DNAH10: variants seen among roughly 807,000 people sequenced by gnomAD.
DNAH10 encodes the protein dynein axonemal heavy chain 10, also known as axonemal beta dynein heavy chain 10.
DNAH10 carries 348 observed loss-of-function variants against 506.6 expected under a neutral mutation model. The observed-to-expected ratio is 0.69, with a 90% confidence interval of 0.63 to 0.75. The LOEUF (loss-of-function observed/expected upper bound fraction) is 0.75, where lower values mean the gene tolerates loss of function less well. DNAH10 is among the 30% of genes least tolerant of loss of function. The pLI, the probability that DNAH10 is intolerant of heterozygous loss-of-function variation, is 0.00. For missense variants in DNAH10, 5,179 were observed against 5,787.1 expected, an observed-to-expected ratio of 0.89 and a Z score of 3.41; for synonymous variants, 2,059 against 2,198.6, an observed-to-expected ratio of 0.94 and a Z score of 1.78.
chr12:123,915,543 G>A (rs773790900), intron 62 of DNAH10, among the ~76,000 whole-genome samples: 3 of 136,108 alleles, frequency 2.2e-5, no homozygotes, highest in South Asian at 2.4e-4. Flanking sequence ...CTCCCTCCCC[G>A]AGCCCCTGGC....
In DNAH10 at chr12:123,928,338, G is replaced by C; in HGVS notation, c.12106-49G>C. ...GGAGTGGGTCTCTGGAGAGCACGGG[G>C]TTGGGTTTGGATGCCAACCCCTCTC... On this transcript the variant is annotated intron_variant, in intron 69 of 78. Coordinates refer to ENST00000673944, the MANE Select transcript of DNAH10 (RefSeq NM_001372106.1). This position sits in a 1 kb window ranked among gnomAD's most constrained non-coding sequence, Gnocchi z 4.9. The C allele has an allele frequency of 6.5e-7, 1 of 1,544,576 alleles. No individual in the cohort carries two copies. Among genetic ancestry groups the C allele is most frequent in the Non-Finnish European group, 8.7e-7 (1 of 1,144,860 alleles).
At position 123,916,690 on chromosome 12, in the gene DNAH10, A is replaced by T. The variant is rs754646581; in HGVS notation, c.10956A>T (p.Arg3652Ser). Residue 3652 changes from arginine to serine, a missense_variant, in exon 63 of 79, where the codon AGA becomes AGT. This residue lies in a region of DNAH10 where 4,844 missense variants were observed against 5,430.5 expected (regional missense o/e 0.89). Transcript: ENST00000673944. The surrounding 1 kb of genome is among the most constrained non-coding windows in gnomAD (Gnocchi z 4.6). ...TGAACACCAAGCTGGCCAATCCCAGATATTCCCCATCCGTGTTTGGGAAAG... is the reference window on the plus strand; with the variant it reads ...TGAACACCAAGCTGGCCAATCCCAGTTATTCCCCATCCGTGTTTGGGAAAG... ...LYLNTKLANP[R>S]YSPSVFGKAM... The T allele has an allele frequency of 9.9e-6, 16 of 1,613,688 alleles. No individual in the cohort carries two copies. The East Asian group carries it at 3.6e-4, about 36-fold the overall frequency.
chr12:123,810,704 AT>A (rs1332727265), intron 19 of DNAH10, among the ~76,000 whole-genome samples: 2 of 152,164 alleles, frequency 1.3e-5, no homozygotes, highest in African/African-American at 4.8e-5. Flanking sequence ...AAAAAAAAAA[AT>A]GTTGAATAAA....
intron 3 of DNAH10, among the ~76,000 whole-genome samples, chr12:123,772,521 C>T (rs542805797): frequency 1.9e-4 from 29 of 152,320 alleles, no homozygotes; most frequent in African/African-American, 3.8e-4. Context: ...TTACCAAAAT[C>T]GTGCTTCATT....
At chr12:123,873,017 C>T (rs374525161) in intron 45 of DNAH10, among the ~76,000 whole-genome samples, 8 of 152,222 alleles carry the variant, frequency 5.3e-5, no homozygotes, top group African/African-American at 1.7e-4. Flanking sequence ...AGGGGGCTTC[C>T]CTCACCCTTC....
In DNAH10 at chr12:123,772,940, A is replaced by G; in HGVS notation, c.503A>G (p.Lys168Arg). The change falls in exon 4 of 79, where the codon AAA (lysine) becomes AGA (arginine). Residue 168 changes from lysine (K) to arginine (R), a missense_variant and splice_region_variant. Transcript: ENST00000673944. ...QNVVFFLRNT[K>R]EAISEATDMK... Reference sequence around the variant, plus strand: ...GTGGTGTTTTTCCTCAGAAATACCAAAGGTACATTTCTGGCACGTGTGTGT... The same window carrying G: ...GTGGTGTTTTTCCTCAGAAATACCAGAGGTACATTTCTGGCACGTGTGTGT... 6.2e-7 allele frequency: 1 copy of G among 1,606,590 alleles called. No individual in the cohort carries two copies. Among genetic ancestry groups the G allele is most frequent in the Non-Finnish European group, 8.5e-7 (1 of 1,173,772 alleles).
At chr12:123,896,970 C>A (rs993743123) in intron 54 of DNAH10, among the ~76,000 whole-genome samples, 28 of 152,210 alleles carry the variant, frequency 1.8e-4, no homozygotes, top group Non-Finnish European at 2.9e-5. Flanking sequence ...TCATCCCAAA[C>A]TGAAACTCCA....
intron 52 of DNAH10, among the ~76,000 whole-genome samples, chr12:123,890,457 C>CTT (rs201416327): frequency 1.4e-5 from 2 of 147,528 alleles, no homozygotes; most frequent in Non-Finnish European, 1.5e-5. Flanking sequence ...AAAAAACACA[C>CTT]TTTTTTTTTT....
intron 23 of DNAH10, among the ~76,000 whole-genome samples, chr12:123,819,700 GTTTTTTTTTTTTT>G (rs768231077): frequency 9.8e-6 from 1 of 101,840 alleles, no homozygotes; most frequent in East Asian, 2.6e-4. Context: ...CTAAAATTCT[GTTTTTTTTTTTTT>G]TTTTTTTTTG....
At chr12:123,934,907 T>C in intron 78 of DNAH10, 141 bp downstream of exon 78, 4 of 1,155,442 alleles carry the variant, frequency 3.5e-6, no homozygotes, top group Non-Finnish European at 4.8e-6. Context: ...CTTGGAGCCG[T>C]GATAAAAGCT....
chr12:123,854,109 T>C lies in DNAH10; in HGVS notation c.6438+757T>C, dbSNP rs181312016. Among the ~76,000 whole-genome samples the C allele has an allele frequency of 8.4e-4, 106 of 126,092 alleles. No homozygotes were observed. In the East Asian group the frequency reaches 0.017, roughly 20 times the overall value. The allele number at this position is 126,092 out of a possible 152,430, so 82.7% of individuals were successfully genotyped here. A position where few individuals can be genotyped will look rare whatever the true frequency, so the allele number is the denominator to read the frequency against. On this transcript the variant is annotated intron_variant, in intron 36 of 78. Coordinates refer to ENST00000673944, the MANE Select transcript of DNAH10 (RefSeq NM_001372106.1). ...TTTTTTGGAGGGGTCGAAGGAAGAG[T>C]TATTTATGCTCTTACAAAAAAGGAA...
chr12:123,819,107 A>T (rs1489697547), intron 22 of DNAH10, 41 bp downstream of exon 22: 1 of 1,603,982 alleles, frequency 6.2e-7, no homozygotes, highest in South Asian at 1.1e-5. Flanking sequence ...GACATTGAAA[A>T]ACGTATTTGG....
intron 35 of DNAH10, among the ~76,000 whole-genome samples, chr12:123,852,244 T>C (rs1435583551): frequency 6.6e-6 from 1 of 152,244 alleles, no homozygotes; most frequent in Non-Finnish European, 1.5e-5. Context: ...TTTGAGAATA[T>C]GTAGATTCAA....
At chr12:123,841,253 C>A in intron 29 of DNAH10, 69 bp from the exon 30 acceptor site, 1 of 1,521,328 alleles carries the variant, frequency 6.6e-7, no homozygotes, top group Non-Finnish European at 9.1e-7. Flanking sequence ...CTGGATGGAG[C>A]ACCGCTGGCT....
At position 123,875,597 on chromosome 12, in the gene DNAH10, ATAC is replaced by A; in HGVS notation, c.8199+108_8199+110del. ...AGGCACAGCAGGGTTAGGGCCCTCA[ATAC>A]TTTTAAGGGCCTATGAAAATGTTTT... On this transcript the variant is annotated intron_variant, in intron 47 of 78. Coordinates refer to ENST00000673944, the MANE Select transcript of DNAH10 (RefSeq NM_001372106.1). The A allele has an allele frequency of 2.9e-6, 4 of 1,378,260 alleles. No individual in the cohort carries two copies. In the Middle Eastern group the frequency reaches 5.7e-4, roughly 196 times the overall value. The allele number at this position is 1,378,260 out of a possible 1,614,324, so 85.4% of individuals were successfully genotyped here.
At chr12:123,891,769 G>C (rs1280828792) in intron 52 of DNAH10, among the ~76,000 whole-genome samples, 2 of 152,094 alleles carry the variant, frequency 1.3e-5, no homozygotes, top group African/African-American at 4.8e-5. Flanking sequence ...AGGAGGACTC[G>C]CAGGACTCAG....
chr12:123,793,630 G>A (rs532072936), intron 11 of DNAH10, among the ~76,000 whole-genome samples: 8 of 152,290 alleles, frequency 5.3e-5, no homozygotes, highest in Admixed American at 1.3e-4. Flanking sequence ...GAGGCACTGC[G>A]CCTGGCCCTG....
In DNAH10 at chr12:123,925,526, T is replaced by G. The variant is rs1954905054; in HGVS notation, c.11921+322T>G. On this transcript the variant is annotated intron_variant, in intron 68 of 78. Transcript: ENST00000673944. This position sits in a 1 kb window ranked among gnomAD's most constrained non-coding sequence, Gnocchi z 4.0. ...TTATCATTTGAATGTATAATCAATA[T>G]GAACATGATTGAGACATTTTACATG... 8.6e-6 allele frequency: 2 copies of G among 233,572 alleles called. No homozygotes were observed. Among genetic ancestry groups the G allele is most frequent in the Non-Finnish European group, 1.6e-5 (2 of 121,682 alleles). 14.5% of individuals were successfully genotyped at this position (233,572 alleles called of 1,614,324 possible). A position where few individuals can be genotyped will look rare whatever the true frequency, so the allele number is the denominator to read the frequency against.
chr12:123,908,155 T>TCTCCCTGTCTC (rs1953885017), intron 57 of DNAH10, among the ~76,000 whole-genome samples: 1 of 149,238 alleles, frequency 6.7e-6, no homozygotes, highest in African/African-American at 2.5e-5. Context: ...CTCCTCCCTG[T>TCTCCCTGTCTC]CTCCCTGTCT....
Sources: gnomAD v4.1 joint callset for allele counts (sites outside exome capture counted in the v4.1 genomes callset) on GRCh38, gnomAD v4.1.1 for gene constraint, gnomAD v4.1.1 regional missense constraint, Gnocchi (gnomAD v3.1) non-coding constraint, MANE v1.5 for transcripts, NCBI Gene and HGNC (gene_info 2026-07-23, HGNC 2026-07-21) for gene names.